The following EIPR1 variants were observed in gnomAD, a reference collection of about 807,000 sequenced individuals.
The protein encoded by EIPR1 is EARP complex and GARP complex interacting protein 1, also known as EARP and GARP complex-interacting protein 1.
EIPR1 carries 25 observed loss-of-function variants against 48.1 expected under a neutral mutation model. The observed-to-expected ratio is 0.52, with a 90% CI of 0.38 to 0.73. The LOEUF (loss-of-function observed/expected upper bound fraction) is 0.73, where lower values mean the gene tolerates loss of function less well. Ranked by LOEUF, EIPR1 falls within the 30% of genes least tolerant of loss-of-function variation. The pLI is 0.00. For synonymous variants in EIPR1, 204 were observed against 201.9 expected (o/e 1.01, Z -0.09); for missense variants, 415 against 506.2 (o/e 0.82, Z 1.73).
Position 3,189,427 on chromosome 2 carries a change from C to T in EIPR1, c.1071G>A (p.Ser357=), listed in dbSNP as rs1664523112. 9 of 1,598,036 alleles carry T rather than the reference C, an allele frequency of 5.6e-6. No individual in the cohort carries two copies. Among genetic ancestry groups the T allele is most frequent in the African/African-American group, 1.3e-5 (1 of 74,904 alleles). ...GGGAGGCAAACAGCCACGGGTCAGC[C>T]GAGGACCAGTCCACGGCATAGACGC... ...EDSVYAVDWS[S]ADPWLFASLS... is the part of the protein sequence containing the mutation. The change falls in exon 9 of 9, where the codon TCG becomes TCA. Residue 357 remains serine (S), a synonymous_variant. Coordinates refer to ENST00000382125, the MANE Select transcript of EIPR1 (RefSeq NM_003310.5). The surrounding 1 kb of genome is among the most constrained non-coding windows in gnomAD (Gnocchi z 4.6).
At chr2:3,256,620 A>G (rs958306756) in intron 4 of EIPR1, among the ~76,000 whole-genome samples, 1 of 152,256 alleles carries the variant, frequency 6.6e-6, no homozygotes, top group Non-Finnish European at 1.5e-5. Context: ...TAAGTAAAAC[A>G]ATCACTATCG....
chr2:3,338,281 G>A (rs1670129006), intron 2 of EIPR1, 132 bp from the exon 3 acceptor site: 3 of 1,050,542 alleles, frequency 2.9e-6, no homozygotes, highest in African/African-American at 1.6e-5. Flanking sequence ...TTGTTATTAT[G>A]CCAACAGTAT....
intron 3 of EIPR1, among the ~76,000 whole-genome samples, chr2:3,336,436 G>A (rs1169729893): frequency 6.6e-6 from 1 of 152,164 alleles, no homozygotes; most frequent in African/African-American, 2.4e-5. Context: ...GTGGAAGGCA[G>A]GGCCCTCAGA....
At chr2:3,317,438 G>C (rs1299629696) in intron 3 of EIPR1, among the ~76,000 whole-genome samples, 1 of 152,050 alleles carries the variant, frequency 6.6e-6, no homozygotes, top group Non-Finnish European at 1.5e-5. Context: ...AGCCCTGGGA[G>C]CGCATGAGGC....
intron 4 of EIPR1, among the ~76,000 whole-genome samples, chr2:3,224,342 C>A (rs1479390130): frequency 6.6e-6 from 1 of 152,242 alleles, no homozygotes; most frequent in Admixed American, 6.5e-5. Context: ...ACTTACGCAG[C>A]TCCTACCATG....
intron 5 of EIPR1, among the ~76,000 whole-genome samples, chr2:3,203,738 TC>T (rs1359925135): frequency 6.6e-6 from 1 of 152,198 alleles, no homozygotes; most frequent in Non-Finnish European, 1.5e-5. Context: ...GCGGGGTCCC[TC>T]AGCGGATTAG....
chr2:3,317,478 C>T (rs1669347189), intron 3 of EIPR1, among the ~76,000 whole-genome samples: 2 of 152,226 alleles, frequency 1.3e-5, no homozygotes, highest in South Asian at 4.1e-4. Context: ...TACTGTGTGC[C>T]TCACATGCGG....
chr2:3,235,442 G>A lies in EIPR1; in HGVS notation c.417-21194C>T, dbSNP rs556561370. ...GGTGCGCACACACACACACACACGC[G>A]TGCGCGCACACACACACACACCCCC... On this transcript the variant is annotated intron_variant, in intron 4 of 8. Coordinates refer to ENST00000382125, the MANE Select transcript of EIPR1 (RefSeq NM_003310.5). Among the ~76,000 whole-genome samples, 16 of 44,104 alleles carry A rather than the reference G, an allele frequency of 3.6e-4. No individual in the cohort carries two copies. In the Admixed American group the frequency reaches 3.7e-3, roughly 10 times the overall value. The allele number at this position is 44,104 out of a possible 152,430, so 28.9% of individuals were successfully genotyped here. A position where few individuals can be genotyped will look rare whatever the true frequency, so the allele number is the denominator to read the frequency against.
chr2:3,371,759 T>G (rs1316158792), intron 1 of EIPR1, among the ~76,000 whole-genome samples: 1 of 152,154 alleles, frequency 6.6e-6, no homozygotes, highest in East Asian at 1.9e-4. Flanking sequence ...ACAAAGAGAC[T>G]TAGACTCCCA....
intron 3 of EIPR1, among the ~76,000 whole-genome samples, chr2:3,310,640 C>G (rs112217447): frequency 0.21 from 26,474 of 126,730 alleles, 4,233 homozygotes; most frequent in East Asian, 0.61. Context: ...GCGACAGAGC[C>G]AGACTCCGTC....
chr2:3,219,811 C>G (rs1199444830), intron 4 of EIPR1, among the ~76,000 whole-genome samples: 1 of 152,236 alleles, frequency 6.6e-6, no homozygotes, highest in Non-Finnish European at 1.5e-5. Context: ...CTCTGGTACA[C>G]TCTAGAGCAT....
intron 1 of EIPR1, among the ~76,000 whole-genome samples, chr2:3,359,870 G>A (rs1241243038): frequency 6.6e-6 from 1 of 152,286 alleles, no homozygotes; most frequent in South Asian, 2.1e-4. Context: ...CAGAAGACAG[G>A]ATGCAGATTA....
rs981139531 is a variant in EIPR1, at chr2:3,211,205, G to A, written c.516+2944C>T. Among the ~76,000 whole-genome samples, 2 of 152,174 alleles carry A rather than the reference G, an allele frequency of 1.3e-5. 1 individual carries two copies. Among genetic ancestry groups the A allele is most frequent in the South Asian group, 4.1e-4 (2 of 4,828 alleles). On this transcript the variant is annotated intron_variant, in intron 5 of 8. Coordinates refer to ENST00000382125, the MANE Select transcript of EIPR1 (RefSeq NM_003310.5). ...TGAATCCACCCATGGGCACGCCGCAGTGAACAGGAGGGTCGCTGCTGGAAC... is the reference window on the plus strand; with the variant it reads ...TGAATCCACCCATGGGCACGCCGCAATGAACAGGAGGGTCGCTGCTGGAAC...
At chr2:3,242,883 C>G (rs1454339515) in intron 4 of EIPR1, among the ~76,000 whole-genome samples, 2 of 152,202 alleles carry the variant, frequency 1.3e-5, no homozygotes, top group East Asian at 1.9e-4. Context: ...CACGTGACAG[C>G]TTTCCACACG....
chr2:3,341,686 T>TGTATGTAAGGGTGTGTGTGA (rs1670254338), intron 2 of EIPR1, among the ~76,000 whole-genome samples: 1 of 149,554 alleles, frequency 6.7e-6, no homozygotes, highest in Non-Finnish European at 1.5e-5. Flanking sequence ...GGTGCAGGCG[T>TGTATGTAAGGGTGTGTGTGA]GTGGGAGGTG....
At chr2:3,240,698 A>AC (rs879437467) in intron 4 of EIPR1, among the ~76,000 whole-genome samples, 493 of 52,630 alleles carry the variant, frequency 9.4e-3, no homozygotes, top group Admixed American at 0.017. Context: ...TCCTAAAGCA[A>AC]AGCCAGCAGA....
intron 5 of EIPR1, among the ~76,000 whole-genome samples, chr2:3,205,028 G>A (rs1294523559): frequency 2.6e-5 from 4 of 152,232 alleles, no homozygotes; most frequent in African/African-American, 4.8e-5. Context: ...AGGGAAGCAC[G>A]CACCACCCTC....
intron 1 of EIPR1, among the ~76,000 whole-genome samples, chr2:3,373,412 C>T (rs1224779191): frequency 1.3e-5 from 2 of 152,152 alleles, no homozygotes; most frequent in East Asian, 1.9e-4. Context: ...AAAGGCTATT[C>T]GATTAGGAAA....
intron 2 of EIPR1, among the ~76,000 whole-genome samples, chr2:3,340,061 G>A (rs1670188581): frequency 6.6e-6 from 1 of 152,216 alleles, no homozygotes; most frequent in Non-Finnish European, 1.5e-5. Flanking sequence ...GTTTCCTGAG[G>A]CCTCTCCAGA....
Sources: allele counts gnomAD v4.1 joint callset (sites outside exome capture counted in the v4.1 genomes callset), GRCh38; gene constraint gnomAD v4.1.1; non-coding constraint Gnocchi (gnomAD v3.1); transcripts MANE v1.5; gene names NCBI Gene and HGNC (gene_info 2026-07-23, HGNC 2026-07-21).